The following COQ9 variants were observed in gnomAD, a reference collection of about 807,000 sequenced individuals.
COQ9 encodes coenzyme Q9.
Under a neutral mutation model 42.4 loss-of-function variants are expected in COQ9, and 35 were observed. The observed-to-expected ratio is 0.83, with a 90% CI of 0.63 to 1.10. COQ9 has a LOEUF of 1.10. Ranked by LOEUF, COQ9 falls within the 50% of genes least tolerant of loss-of-function variation. The pLI, the probability that COQ9 is intolerant of heterozygous loss-of-function variation, is 0.00. For missense variants in COQ9, 406 were observed against 414.6 expected (o/e 0.98, Z 0.18); for synonymous variants, 155 against 155.1 (o/e 1.00, Z 0.00).
chr16:57,458,023 G>A, intron 5 of COQ9: 1 of 562,438 alleles, frequency 1.8e-6, no homozygotes, highest in Admixed American at 2.6e-5. Context: ...TAGGGATGGA[G>A]AATGTGCTTG....
Position 57,456,946 on chromosome 16 carries a change from C to T in COQ9, c.537C>T (p.Asp179=). Residue 179 remains aspartate, a synonymous_variant, in exon 5 of 9, where the codon GAC becomes GAT. Transcript: ENST00000262507. ...QLGQAEKRKT[D]QFLRDAVETR... is the part of the protein sequence containing the mutation. Reference sequence around the variant, plus strand: ...CCTCTTCCAGGAAGAGGAAGACAGACCAGTTCCTGAGGGATGCAGTGGAAA... The same window carrying T: ...CCTCTTCCAGGAAGAGGAAGACAGATCAGTTCCTGAGGGATGCAGTGGAAA... 6.2e-7 allele frequency: 1 copy of T among 1,613,918 alleles called. No homozygotes were observed. The highest frequency in any genetic ancestry group is 8.5e-7 in the Non-Finnish European group (1 of 1,179,792).
rs1363349753 is a variant in COQ9 at position 57,460,228 on chromosome 16, G to C, written c.921+124G>C. The C allele has an allele frequency of 5.8e-6, 6 of 1,043,390 alleles. No homozygotes were observed. In the African/African-American group the frequency reaches 7.9e-5, roughly 14 times the overall value. The allele number at this position is 1,043,390 out of a possible 1,614,324, so 64.6% of individuals were successfully genotyped here. A position where few individuals can be genotyped will look rare whatever the true frequency, so the allele number is the denominator to read the frequency against. ...GAAACAATAATCTAATAATAAGGCTGACAATGGTTCAGCCCTAGTGTCTTG... is the reference window on the plus strand; with the variant it reads ...GAAACAATAATCTAATAATAAGGCTCACAATGGTTCAGCCCTAGTGTCTTG... On this transcript the variant is annotated intron_variant, in intron 8 of 8. Coordinates refer to ENST00000262507, the MANE Select transcript of COQ9 (RefSeq NM_020312.4).
chr16:57,459,796 T>C, intron 7 of COQ9, 76 bp downstream of exon 7: 1 of 1,563,460 alleles, frequency 6.4e-7, no homozygotes, highest in South Asian at 1.1e-5. Flanking sequence ...CTGGTCTTGC[T>C]CCCTTTTGGC....
At chr16:57,449,921 G>A (rs1485388084) in intron 1 of COQ9, among the ~76,000 whole-genome samples, 2 of 152,184 alleles carry the variant, frequency 1.3e-5, no homozygotes, top group Admixed American at 6.5e-5. Context: ...ATTTCATTGT[G>A]TGTAAATGGC....
intron 6 of COQ9, 31 bp downstream of exon 6, chr16:57,458,381 T>G (rs1872180417): frequency 6.8e-7 from 1 of 1,479,854 alleles, no homozygotes; most frequent in South Asian, 1.2e-5. Context: ...CACAGGAGGC[T>G]GGGAAAGGCT....
At chr16:57,454,258 C>CT (rs2030353163) in intron 3 of COQ9, 2 of 152,216 alleles carry the variant, frequency 1.3e-5, no homozygotes, top group Admixed American at 6.5e-5. Flanking sequence ...TTCATTGACT[C>CT]TAAGATGCCA....
At position 57,456,650 on chromosome 16, in the gene COQ9, A is replaced by C. The variant is rs1363640533; in HGVS notation, c.521+4A>C. ...TGGTACAGTTGGGCCAGGCGGAGTA[A>C]GTCCCATGGCATTACTACTCAGGGT... On this transcript the variant is annotated splice_donor_region_variant and intron_variant, in intron 4 of 8. Transcript: ENST00000262507. 1.2e-6 allele frequency: 2 copies of C among 1,613,162 alleles called. No individual in the cohort carries two copies. Among genetic ancestry groups the C allele is most frequent in the South Asian group, 1.1e-5 (1 of 90,942 alleles).
At chr16:57,453,052 G>C in intron 3 of COQ9, 116 bp downstream of exon 3, 1 of 1,377,972 alleles carries the variant, frequency 7.3e-7, no homozygotes, top group South Asian at 1.2e-5. Context: ...CCTCACAGCT[G>C]CAAGATTGAC....
Position 57,457,026 on chromosome 16 carries a change from T to C in COQ9, c.606+11T>C, listed in dbSNP as rs2146591244. 6.3e-7 allele frequency: 1 copy of C among 1,597,830 alleles called. No homozygotes were observed. ...GAGCACTGGCCCCGGGTACCAAGTC[T>C]ATATCCAGGCCCCAGAGCAACAATA... On this transcript the variant is annotated intron_variant, in intron 5 of 8. Coordinates refer to ENST00000262507, the MANE Select transcript of COQ9 (RefSeq NM_020312.4).
At chr16:57,453,569 C>T (rs1225682256) in intron 3 of COQ9, 1 of 156,522 alleles carries the variant, frequency 6.4e-6, no homozygotes, top group African/African-American at 2.4e-5. Flanking sequence ...GTTGCATCTT[C>T]CATCCCAGGC....
At position 57,449,721 on chromosome 16, in the gene COQ9, C is replaced by G. The variant is rs563426518; in HGVS notation, c.74-1319C>G. On this transcript the variant is annotated intron_variant, in intron 1 of 8. Coordinates refer to ENST00000262507, the MANE Select transcript of COQ9 (RefSeq NM_020312.4). The stretch of plus-strand genomic sequence containing the variant: ...TGTACATATAGATGAAATCTTAGGA[C>G]AGGCAAAACTAAGACAAGCAAAAAC... Among the ~76,000 whole-genome samples, 4 of 152,190 alleles carry G rather than the reference C, an allele frequency of 2.6e-5. No individual in the cohort carries two copies. In the East Asian group the frequency reaches 5.8e-4, roughly 22 times the overall value.
chr16:57,459,599 C>T lies in COQ9; in HGVS notation c.746C>T (p.Ala249Val), dbSNP rs148680631. ...NWYTRRAMLA[A>V]IYNTTELVMM... is the part of the protein sequence containing the mutation. The stretch of plus-strand genomic sequence containing the variant: ...TACACCCGCCGAGCCATGCTGGCTG[C>T]CATCTACAACACAACAGAGCTGGTG... The change falls in exon 7 of 9, where the codon GCC (alanine) becomes GTC (valine). Residue 249 changes from alanine (A) to valine (V), a missense_variant. Ala to Val is a moderately conservative substitution (Grantham distance 64). Coordinates refer to ENST00000262507, the MANE Select transcript of COQ9 (RefSeq NM_020312.4). 2.2e-5 allele frequency: 35 copies of T among 1,614,146 alleles called. No homozygotes were observed. In the African/African-American group the frequency reaches 4.3e-4, roughly 20 times the overall value.
In COQ9 at chr16:57,451,080, T is replaced by C; in HGVS notation, c.114T>C (p.His38=). ...AAGCCCTGGTGCCGCGTGCCTTCCA[T>C]GCTTCAGCTGTGGGGCTAAGGTCTT... The part of the protein sequence containing the change: ...CRQALVPRAF[H]ASAVGLRSSD... The change falls in exon 2 of 9, where the codon CAT becomes CAC. Residue 38 remains histidine, a synonymous_variant. Coordinates refer to ENST00000262507, the MANE Select transcript of COQ9 (RefSeq NM_020312.4). 1 of 1,614,178 alleles carries C rather than the reference T, an allele frequency of 6.2e-7. No individual in the cohort carries two copies. Among genetic ancestry groups the C allele is most frequent in the African/African-American group, 1.3e-5 (1 of 75,032 alleles).
intron 1 of COQ9, among the ~76,000 whole-genome samples, chr16:57,450,412 C>CAAAAAAAAAAAAAA (rs59815351): frequency 1.1e-5 from 1 of 92,462 alleles, no homozygotes; most frequent in Non-Finnish European, 2.2e-5. Flanking sequence ...GAGACTCTGA[C>CAAAAAAAAAAAAAA]AAAAAAAAAA....
intron 1 of COQ9, among the ~76,000 whole-genome samples, chr16:57,448,044 A>ATTT (rs1286393422): frequency 4.6e-5 from 7 of 152,196 alleles, no homozygotes; most frequent in Admixed American, 3.9e-4. Context: ...TGTACTCAGT[A>ATTT]TTTTTATTTT....
rs1225107290 is a variant in COQ9, at chr16:57,459,854, C to G, written c.867+134C>G. 16 of 1,152,662 alleles carry G rather than the reference C, an allele frequency of 1.4e-5. No homozygotes were observed. The African/African-American group carries it at 2.3e-4, about 17-fold the overall frequency. 71.4% of individuals were successfully genotyped at this position (1,152,662 alleles called of 1,614,324 possible). On this transcript the variant is annotated intron_variant, in intron 7 of 8. Coordinates refer to ENST00000262507, the MANE Select transcript of COQ9 (RefSeq NM_020312.4). ...CTTCCCAAGGGCCTGGCTGGTTCTT[C>G]CTCAGGCCAGCCCTTCCCTAAGAGC...
intron 1 of COQ9, among the ~76,000 whole-genome samples, chr16:57,448,482 G>A (rs1361186715): frequency 6.6e-6 from 1 of 151,880 alleles, no homozygotes; most frequent in Non-Finnish European, 1.5e-5. Context: ...GGAGTGCAGT[G>A]GTACAATCTC....
intron 1 of COQ9, among the ~76,000 whole-genome samples, chr16:57,448,548 C>A (rs1385133561): frequency 6.6e-6 from 1 of 151,866 alleles, no homozygotes; most frequent in African/African-American, 2.4e-5. Flanking sequence ...CTCAGCCTTC[C>A]TAGTAGCTGG....
intron 5 of COQ9, 83 bp downstream of exon 5, chr16:57,457,098 T>C (rs1393403435): frequency 9.5e-7 from 1 of 1,056,252 alleles, no homozygotes; most frequent in Admixed American, 1.8e-5. Flanking sequence ...GATGACTTTG[T>C]ACACTGTTCA....
Sources: gnomAD v4.1 joint callset for allele counts (sites outside exome capture counted in the v4.1 genomes callset) on GRCh38, gnomAD v4.1.1 for gene constraint, MANE v1.5 for transcripts, NCBI Gene and HGNC (gene_info 2026-07-23, HGNC 2026-07-21) for gene names.